SLC4A7: variants seen among roughly 807,000 people sequenced by gnomAD.
SLC4A7 encodes the protein solute carrier family 4 member 7, also known as sodium bicarbonate cotransporter 3.
Under a neutral mutation model 137.6 loss-of-function variants are expected in SLC4A7, and 51 were observed. The observed-to-expected ratio is 0.37, with a 90% CI of 0.30 to 0.47. The LOEUF is 0.47. Ranked by LOEUF, SLC4A7 falls within the 20% of genes least tolerant of loss-of-function variation. The pLI is 1.00. For missense variants in SLC4A7, 1,247 were observed against 1,525.4 expected, an observed-to-expected ratio of 0.82 and a Z score of 3.04; for synonymous variants, 542 against 518.6, an observed-to-expected ratio of 1.05 and a Z score of -0.61.
intron 7 of SLC4A7, among the ~76,000 whole-genome samples, chr3:27,428,695 T>C (rs1048851756): frequency 6.6e-6 from 1 of 152,158 alleles, no homozygotes; most frequent in Non-Finnish European, 1.5e-5. Flanking sequence ...AATGGGTGTG[T>C]CCATCTAACT....
At position 27,436,565 on chromosome 3, in the gene SLC4A7, TA is replaced by T; in HGVS notation, c.429-18del. On this transcript the variant is annotated intron_variant, in intron 4 of 25. Transcript: ENST00000454389. The stretch of plus-strand genomic sequence containing the variant: ...TTCAGCCATCTGAATGCATAATGTA[TA>T]AAAATATTTTATAAGTAATGAAGAT... The T allele has an allele frequency of 4.6e-6, 7 of 1,529,452 alleles. No homozygotes were observed. Among genetic ancestry groups the T allele is most frequent in the Non-Finnish European group, 6.3e-6 (7 of 1,116,494 alleles). 94.7% of individuals were successfully genotyped at this position (1,529,452 alleles called of 1,614,324 possible). A position where few individuals can be genotyped will look rare whatever the true frequency, so the allele number is the denominator to read the frequency against.
At chr3:27,483,236 G>A (rs564226643) in intron 1 of SLC4A7, among the ~76,000 whole-genome samples, 9 of 152,350 alleles carry the variant, frequency 5.9e-5, no homozygotes, top group Non-Finnish European at 1.2e-4. Flanking sequence ...CTTGAGCATG[G>A]GCCGTTCACC....
intron 23 of SLC4A7, among the ~76,000 whole-genome samples, chr3:27,384,306 G>A (rs1484561799): frequency 6.6e-6 from 1 of 152,118 alleles, no homozygotes; most frequent in Non-Finnish European, 1.5e-5. Flanking sequence ...TGACAATATG[G>A]TGAAGCTATT....
chr3:27,463,393 GCACTC>G (rs1432513393), intron 1 of SLC4A7, among the ~76,000 whole-genome samples: 1 of 152,078 alleles, frequency 6.6e-6, no homozygotes, highest in Non-Finnish European at 1.5e-5. Context: ...TCGCACCACT[GCACTC>G]CAGCCTCGGC....
intron 22 of SLC4A7, among the ~76,000 whole-genome samples, chr3:27,388,224 T>A (rs986051743): frequency 6.6e-6 from 1 of 152,226 alleles, no homozygotes; most frequent in African/African-American, 2.4e-5. Flanking sequence ...ACTTAAGATA[T>A]ATTACTCTTG....
chr3:27,473,739 G>A (rs1358307317), intron 1 of SLC4A7, among the ~76,000 whole-genome samples: 1 of 144,574 alleles, frequency 6.9e-6, no homozygotes, highest in African/African-American at 2.5e-5. Flanking sequence ...GGCAGATTGA[G>A]TATATTAACC....
At chr3:27,475,434 T>C (rs577870246) in intron 1 of SLC4A7, among the ~76,000 whole-genome samples, 1 of 151,942 alleles carries the variant, frequency 6.6e-6, no homozygotes, top group East Asian at 1.9e-4. Flanking sequence ...CTAAGTGGCA[T>C]ATTAGAAATA....
chr3:27,452,859 T>G (rs1427708656), intron 1 of SLC4A7, among the ~76,000 whole-genome samples: 2 of 152,204 alleles, frequency 1.3e-5, no homozygotes, highest in Non-Finnish European at 2.9e-5. Flanking sequence ...TGTAATGCTT[T>G]CTTTCTTGAT....
At chr3:27,443,492 G>GT (rs1012184405) in intron 3 of SLC4A7, among the ~76,000 whole-genome samples, 29 of 149,300 alleles carry the variant, frequency 1.9e-4, no homozygotes, top group South Asian at 4.2e-4. Context: ...GTCTGCTATT[G>GT]TTTTTTTTTC....
chr3:27,395,658 T>A (rs895765297), intron 18 of SLC4A7, among the ~76,000 whole-genome samples: 3 of 152,186 alleles, frequency 2.0e-5, no homozygotes, highest in Admixed American at 2.0e-4. Flanking sequence ...ATTGCCCCCA[T>A]TGATGACTGC....
At position 27,464,231 on chromosome 3, in the gene SLC4A7, C is replaced by T. The variant is rs188325873; in HGVS notation, c.61-11733G>A. On this transcript the variant is annotated intron_variant, in intron 1 of 25. Transcript: ENST00000454389. ...GTCATGTTTTCGGAAGGATAAAACC[C>T]ATTTGTGAGTTTGTGTTTATATGAA... Among the ~76,000 whole-genome samples, 30 of 152,236 alleles carry T rather than the reference C, an allele frequency of 2.0e-4. 1 individual carries two copies. The Middle Eastern group carries it at 0.01, about 52-fold the overall frequency.
chr3:27,449,898 A>G (rs1370445103), intron 2 of SLC4A7, among the ~76,000 whole-genome samples: 3 of 152,238 alleles, frequency 2.0e-5, no homozygotes, highest in African/African-American at 4.8e-5. Context: ...TAGGACTGCC[A>G]TCTTTATATG....
chr3:27,426,120 C>T (rs918332611), intron 7 of SLC4A7, among the ~76,000 whole-genome samples: 4 of 152,166 alleles, frequency 2.6e-5, no homozygotes, highest in African/African-American at 9.7e-5. Flanking sequence ...TTACGGCTTA[C>T]GCTTTATGAC....
intron 1 of SLC4A7, among the ~76,000 whole-genome samples, chr3:27,460,331 G>A (rs956947188): frequency 9.2e-5 from 14 of 152,094 alleles, no homozygotes; most frequent in Admixed American, 3.3e-4. Flanking sequence ...CCACTGCACC[G>A]GGCCTATATT....
At chr3:27,438,112 G>A (rs540796001) in intron 3 of SLC4A7, among the ~76,000 whole-genome samples, 26 of 151,266 alleles carry the variant, frequency 1.7e-4, no homozygotes, top group Admixed American at 5.9e-4. Context: ...CAGGAGAATC[G>A]CTTGAACCTG....
At chr3:27,432,572 A>T (rs1018176343) in intron 6 of SLC4A7, among the ~76,000 whole-genome samples, 4 of 152,212 alleles carry the variant, frequency 2.6e-5, no homozygotes, top group African/African-American at 9.6e-5. Flanking sequence ...ACAATATTCA[A>T]TTCCATATGG....
intron 20 of SLC4A7, among the ~76,000 whole-genome samples, chr3:27,392,607 C>T (rs1373303069): frequency 6.6e-6 from 1 of 152,112 alleles, no homozygotes; most frequent in Non-Finnish European, 1.5e-5. Flanking sequence ...GGGCAGATCA[C>T]TTGCGGCCAT....
At chr3:27,469,097 A>G (rs535992646) in intron 1 of SLC4A7, among the ~76,000 whole-genome samples, 1 of 151,516 alleles carries the variant, frequency 6.6e-6, no homozygotes, top group East Asian at 1.9e-4. Context: ...ACAGAGGGAG[A>G]CTGCGTCTCA....
rs1477340787 is a variant in SLC4A7, at chr3:27,376,478, G to C, written c.*286C>G. 5 of 210,046 alleles carry C rather than the reference G, an allele frequency of 2.4e-5. No homozygotes were observed. The East Asian group carries it at 5.1e-4, about 21-fold the overall frequency. 13.0% of individuals were successfully genotyped at this position (210,046 alleles called of 1,614,324 possible). A position where few individuals can be genotyped will look rare whatever the true frequency, so the allele number is the denominator to read the frequency against. ...ACTGATGAACAGAGATTTAAGAAAA[G>C]TAGACTGAAAGCATTTCTCCACATC... On this transcript the variant is annotated 3_prime_UTR_variant, in exon 26 of 26. Coordinates refer to ENST00000454389, the MANE Select transcript of SLC4A7 (RefSeq NM_001321103.2).
Sources: allele counts gnomAD v4.1 joint callset (sites outside exome capture counted in the v4.1 genomes callset), GRCh38; gene constraint gnomAD v4.1.1; transcripts MANE v1.5; gene names NCBI Gene and HGNC (gene_info 2026-07-23, HGNC 2026-07-21).